TTC28: variants seen among roughly 807,000 people sequenced by gnomAD.
TTC28 encodes the protein tetratricopeptide repeat domain 28, also known as tetratricopeptide repeat protein 28.
Under a neutral mutation model 198.0 loss-of-function variants are expected in TTC28, and 61 were observed. That is an observed-to-expected ratio of 0.31 (90% CI 0.25 to 0.38). TTC28 has a LOEUF of 0.38. TTC28 is among the 10% of genes least tolerant of loss of function. The pLI is 1.00. For synonymous variants in TTC28, 1,171 were observed against 1,297.8 expected (o/e 0.90, Z 2.10); for missense variants, 2,678 against 3,164.0 (o/e 0.85, Z 3.69).
chr22:28,328,824 G>A (rs1227977592), intron 2 of TTC28, among the ~76,000 whole-genome samples: 1 of 150,104 alleles, frequency 6.7e-6, no homozygotes, highest in Non-Finnish European at 1.5e-5. Context: ...AGAGGTATAA[G>A]CTGAGAACTA....
intron 2 of TTC28, among the ~76,000 whole-genome samples, chr22:28,337,623 T>C (rs2045751710): frequency 6.6e-6 from 1 of 152,242 alleles, no homozygotes; most frequent in Non-Finnish European, 1.5e-5. Flanking sequence ...TTGATCTTTG[T>C]TGGTTTAAAG....
chr22:28,059,457 T>C (rs1940422870), intron 12 of TTC28, among the ~76,000 whole-genome samples: 2 of 152,062 alleles, frequency 1.3e-5, no homozygotes, highest in Non-Finnish European at 2.9e-5. Flanking sequence ...ATAGTCTATT[T>C]GTTGACTGTA....
intron 1 of TTC28, among the ~76,000 whole-genome samples, chr22:28,670,988 A>G (rs1194310821): frequency 1.3e-5 from 2 of 152,034 alleles, no homozygotes; most frequent in Non-Finnish European, 1.5e-5. Flanking sequence ...GGCCATTTGT[A>G]TATCTTTAGG....
intron 2 of TTC28, among the ~76,000 whole-genome samples, chr22:28,310,810 C>T (rs1203775012): frequency 6.8e-6 from 1 of 147,866 alleles, no homozygotes; most frequent in African/African-American, 2.5e-5. Flanking sequence ...GAGACAGAGT[C>T]TTGCTGTCAC....
chr22:28,252,727 T>A (rs1930612207), intron 5 of TTC28, among the ~76,000 whole-genome samples: 1 of 152,158 alleles, frequency 6.6e-6, no homozygotes, highest in Admixed American at 6.6e-5. Flanking sequence ...GGGACAGGTG[T>A]GATGGTAGTT....
chr22:28,046,313 T>C (rs553823548), intron 12 of TTC28, among the ~76,000 whole-genome samples: 30 of 152,084 alleles, frequency 2.0e-4, no homozygotes, highest in Non-Finnish European at 3.7e-4. Context: ...CATCAGAGAG[T>C]GCAGGTGCAC....
intron 13 of TTC28, among the ~76,000 whole-genome samples, chr22:28,028,659 A>G (rs1232333715): frequency 6.6e-6 from 1 of 152,218 alleles, no homozygotes; most frequent in African/African-American, 2.4e-5. Flanking sequence ...AAGATGGCCA[A>G]CAGCTGCTGC....
At chr22:28,049,320 A>G (rs1357557324) in intron 12 of TTC28, among the ~76,000 whole-genome samples, 1 of 152,224 alleles carries the variant, frequency 6.6e-6, no homozygotes, top group African/African-American at 2.4e-5. Flanking sequence ...GAACCAAGTC[A>G]GTCACTGGAA....
chr22:28,584,016 G>GT (rs67108156), intron 2 of TTC28, among the ~76,000 whole-genome samples: 2,598 of 132,916 alleles, frequency 0.02, 83 homozygotes, highest in African/African-American at 0.061. Flanking sequence ...GTTTTGTTTT[G>GT]TTTTTTTTTT....
rs1045325837 is a variant in TTC28, at chr22:28,001,503, C to G, written c.4269G>C (p.Leu1423=). Residue 1423 remains leucine (L), a synonymous_variant, in exon 15 of 23, where the codon CTG becomes CTC. Coordinates refer to ENST00000397906, the MANE Select transcript of TTC28 (RefSeq NM_001145418.2). ...GPVGRHRQLI[L]VLEGELYLIP... The stretch of plus-strand genomic sequence containing the variant: ...TGAGGTAGAGCTCCCCCTCCAGAAC[C>G]AGGATGAGCTGCCGGTGCCGGCCCA... 5 of 1,551,434 alleles carry G rather than the reference C, an allele frequency of 3.2e-6. No individual in the cohort carries two copies. The highest frequency in any genetic ancestry group is 1.7e-4 in the Middle Eastern group (1 of 5,990).
chr22:28,011,540 G>A (rs1332216482), intron 14 of TTC28, among the ~76,000 whole-genome samples: 1 of 152,180 alleles, frequency 6.6e-6, no homozygotes, highest in African/African-American at 2.4e-5. Flanking sequence ...AGGCTGCAGT[G>A]AGCTATGATC....
intron 2 of TTC28, among the ~76,000 whole-genome samples, chr22:28,436,794 C>A (rs2047527096): frequency 6.6e-6 from 1 of 152,244 alleles, no homozygotes; most frequent in Non-Finnish European, 1.5e-5. Flanking sequence ...TGCTGAGAGG[C>A]TGGACTAGAA....
intron 6 of TTC28, among the ~76,000 whole-genome samples, chr22:28,117,869 T>C (rs1389154175): frequency 6.6e-6 from 1 of 152,224 alleles, no homozygotes; most frequent in African/African-American, 2.4e-5. Context: ...AGTATAGTAG[T>C]TGATAGCACA....
At chr22:28,314,860 G>C (rs2045326636) in intron 2 of TTC28, among the ~76,000 whole-genome samples, 1 of 151,992 alleles carries the variant, frequency 6.6e-6, no homozygotes, top group African/African-American at 2.4e-5. Flanking sequence ...GAAACAGAGT[G>C]AGACCTTATC....
chr22:28,512,280 A>G (rs1198623794), intron 2 of TTC28, among the ~76,000 whole-genome samples: 1 of 152,168 alleles, frequency 6.6e-6, no homozygotes, highest in African/African-American at 2.4e-5. Flanking sequence ...CTATTATAAA[A>G]CAGTCAAAAA....
chr22:28,203,757 A>C (rs991611046), intron 5 of TTC28, among the ~76,000 whole-genome samples: 1 of 152,074 alleles, frequency 6.6e-6, no homozygotes, highest in South Asian at 2.1e-4. Flanking sequence ...TTTGTTATCC[A>C]TAAATTTATT....
chr22:27,987,712 AAAAAAAAAGGTTGTGGT>A (rs1937261925), intron 21 of TTC28, among the ~76,000 whole-genome samples: 1 of 151,960 alleles, frequency 6.6e-6, no homozygotes, highest in Non-Finnish European at 1.5e-5. Context: ...CTGTCTCCAA[AAAAAAAAAGGTTGTGGT>A]TGTGGCTTCC....
chr22:28,491,770 A>C (rs906776466), intron 2 of TTC28, among the ~76,000 whole-genome samples: 2 of 152,192 alleles, frequency 1.3e-5, no homozygotes, highest in Non-Finnish European at 2.9e-5. Context: ...GTATATACTC[A>C]AAGGATTATA....
chr22:28,298,789 G>T (rs545504490), intron 3 of TTC28, among the ~76,000 whole-genome samples: 1 of 152,022 alleles, frequency 6.6e-6, no homozygotes, highest in South Asian at 2.1e-4. Context: ...AATAAACCCT[G>T]TCCATATTTT....
Sources: allele counts gnomAD v4.1 joint callset (sites outside exome capture counted in the v4.1 genomes callset), GRCh38; gene constraint gnomAD v4.1.1; transcripts MANE v1.5; gene names NCBI Gene and HGNC (gene_info 2026-07-23, HGNC 2026-07-21).